The following CCDC149 variants were observed in gnomAD, a reference collection of about 807,000 sequenced individuals.
The protein encoded by CCDC149 is coiled-coil domain-containing protein 149.
CCDC149 carries 45 observed loss-of-function variants against 59.9 expected under a neutral mutation model. The observed-to-expected ratio is 0.75, with a 90% confidence interval of 0.59 to 0.96. The LOEUF (loss-of-function observed/expected upper bound fraction) is 0.96. CCDC149 is among the 40% of genes least tolerant of loss of function. CCDC149 has a pLI of 0.00. For missense variants in CCDC149, 584 were observed against 664.7 expected (o/e 0.88, Z 1.33); for synonymous variants, 245 against 260.6 (o/e 0.94, Z 0.58).
upstream of CCDC149, among the ~76,000 whole-genome samples, chr4:24,915,506 G>C (rs764037734): frequency 6.6e-6 from 1 of 152,188 alleles, no homozygotes; most frequent in Non-Finnish European, 1.5e-5. Context: ...AGAAATCTTC[G>C]CATTCCAGAC....
At chr4:24,886,207 T>C (rs1334299264) in intron 1 of CCDC149, among the ~76,000 whole-genome samples, 5 of 152,228 alleles carry the variant, frequency 3.3e-5, no homozygotes, top group Non-Finnish European at 7.3e-5. Context: ...ATACTGGCCC[T>C]TATAGACTTG....
At position 24,874,244 on chromosome 4, in the gene CCDC149, G is replaced by GTTTTTT. The variant is rs5856868; in HGVS notation, c.226-531_226-526dup. ...GAGAACTTCTAGTCCTATTAGATTT[G>GTTTTTT]TTTTTTTTTTTTTTTGTTTTGTTTT... On this transcript the variant is annotated intron_variant, in intron 2 of 12. Coordinates refer to ENST00000635206, the MANE Select transcript of CCDC149 (RefSeq NM_001330643.2). 4.9e-4 allele frequency among the ~76,000 whole-genome samples: 43 copies of GTTTTTT among 87,472 alleles called. 7 individuals are homozygous for GTTTTTT. The highest frequency in any genetic ancestry group is 6.0e-3 in the Middle Eastern group (1 of 168). The allele number at this position is 87,472 out of a possible 152,430, so 57.4% of individuals were successfully genotyped here.
intron 3 of CCDC149, among the ~76,000 whole-genome samples, 158 bp downstream of exon 3, chr4:24,873,523 C>T (rs1216095955): frequency 2.0e-5 from 3 of 152,166 alleles, no homozygotes; most frequent in Admixed American, 1.3e-4. Flanking sequence ...CACTCCACTC[C>T]GAATTTCTCT....
chr4:24,907,289 A>C (rs1721592411), intron 1 of CCDC149, among the ~76,000 whole-genome samples: 1 of 152,174 alleles, frequency 6.6e-6, no homozygotes, highest in Non-Finnish European at 1.5e-5. Context: ...GACGAGAAAA[A>C]TGAGGGTCAG....
intron 1 of CCDC149, among the ~76,000 whole-genome samples, chr4:24,897,565 G>C (rs1720912542): frequency 6.6e-6 from 1 of 152,166 alleles, no homozygotes; most frequent in Non-Finnish European, 1.5e-5. Context: ...AAATCCCAGA[G>C]AGAGGTTGCT....
chr4:24,936,946 C>CCTTTT (rs1271164381), intron 1 of CCDC149, among the ~76,000 whole-genome samples: 1 of 152,202 alleles, frequency 6.6e-6, no homozygotes, highest in African/African-American at 2.4e-5. Context: ...ATTACAGACT[C>CCTTTT]CTTTTTGGGC....
chr4:24,960,378 C>T (rs1430054164), intron 1 of CCDC149, among the ~76,000 whole-genome samples: 3 of 152,034 alleles, frequency 2.0e-5, no homozygotes, highest in Non-Finnish European at 4.4e-5. Flanking sequence ...ACAGAAAATA[C>T]TCAGTCCCAA....
intron 4 of CCDC149, among the ~76,000 whole-genome samples, chr4:24,847,663 A>G (rs753403573): frequency 1.3e-5 from 2 of 152,202 alleles, no homozygotes; most frequent in Non-Finnish European, 2.9e-5. Flanking sequence ...CACTTTACAG[A>G]TGAGGAAACT....
chr4:24,838,234 G>C lies in CCDC149; in HGVS notation c.411C>G (p.Asp137Glu). 6.2e-7 allele frequency: 1 copy of C among 1,614,104 alleles called. No individual in the cohort carries two copies. Among genetic ancestry groups the C allele is most frequent in the Non-Finnish European group, 8.5e-7 (1 of 1,180,024 alleles). Reference sequence around the variant, plus strand: ...CAAAGTGTCGCACGCCGATTGCTTCGTCTCCGAGCCTTTGTTTGGCAATCG... The same window carrying C: ...CAAAGTGTCGCACGCCGATTGCTTCCTCTCCGAGCCTTTGTTTGGCAATCG... The change falls in exon 5 of 13, where the codon GAC (aspartate) becomes GAG (glutamate). Residue 137 changes from aspartate (D) to glutamate (E), a missense_variant. Physicochemically the swap from Asp to Glu is conservative, Grantham distance 45 (BLOSUM62 2). Transcript: ENST00000635206.
At chr4:24,803,845 C>G (rs1433419345), downstream of CCDC149, among the ~76,000 whole-genome samples, 2 of 152,200 alleles carry the variant, frequency 1.3e-5, no homozygotes, top group African/African-American at 4.8e-5. The surrounding 1 kb of genome is among the most constrained non-coding windows in gnomAD (Gnocchi z 4.3). Flanking sequence ...TGTAAGGCAG[C>G]ATGTCCATAT....
At chr4:24,849,173 C>G (rs1044594303) in intron 4 of CCDC149, among the ~76,000 whole-genome samples, 2 of 152,162 alleles carry the variant, frequency 1.3e-5, no homozygotes, top group African/African-American at 2.4e-5. Flanking sequence ...CCAAGGGGAG[C>G]TGCCACTGTC....
At chr4:24,906,045 A>G (rs1390272605) in intron 1 of CCDC149, among the ~76,000 whole-genome samples, 1 of 152,210 alleles carries the variant, frequency 6.6e-6, no homozygotes, top group Non-Finnish European at 1.5e-5. Context: ...AGAAATCTGA[A>G]TTCTTAGATG....
intron 9 of CCDC149, among the ~76,000 whole-genome samples, chr4:24,825,568 TC>T (rs1715675287): frequency 6.6e-6 from 1 of 151,866 alleles, no homozygotes; most frequent in Non-Finnish European, 1.5e-5. Flanking sequence ...GGTCAGGAGA[TC>T]GAGACCATCC....
chr4:24,906,353 G>A (rs1721507007), intron 1 of CCDC149, among the ~76,000 whole-genome samples: 1 of 26,550 alleles, frequency 3.8e-5, no homozygotes, highest in Admixed American at 3.0e-4. Flanking sequence ...TAACTCAGGG[G>A]CAGCGGAACA....
chr4:24,838,432 A>G (rs904517938), intron 4 of CCDC149, among the ~76,000 whole-genome samples, 160 bp from the exon 5 acceptor site: 1 of 152,242 alleles, frequency 6.6e-6, no homozygotes, highest in Non-Finnish European at 1.5e-5. Flanking sequence ...ATTTTTTAAA[A>G]AATTAAAAAT....
At chr4:24,820,179 A>C (rs1715300575) in intron 11 of CCDC149, 4 of 503,690 alleles carry the variant, frequency 7.9e-6, no homozygotes, top group East Asian at 6.5e-5. Context: ...CACACACACA[A>C]AATCCTTATC....
chr4:24,914,264 G>A (rs1365286464), upstream of CCDC149, among the ~76,000 whole-genome samples: 1 of 151,638 alleles, frequency 6.6e-6, no homozygotes, highest in African/African-American at 2.4e-5. Flanking sequence ...ATGATAGACT[G>A]TTTGCAAAAT....
chr4:24,843,325 C>T (rs1328577761), intron 4 of CCDC149, among the ~76,000 whole-genome samples: 1 of 152,194 alleles, frequency 6.6e-6, no homozygotes, highest in Non-Finnish European at 1.5e-5. Context: ...CTGCAGATAG[C>T]ACACCTGGGG....
chr4:24,892,056 T>C (rs762941202), intron 1 of CCDC149, among the ~76,000 whole-genome samples: 5 of 152,106 alleles, frequency 3.3e-5, no homozygotes, highest in Non-Finnish European at 7.4e-5. Flanking sequence ...TCATAAATAG[T>C]AGCGTCAAAA....
Sources: gnomAD v4.1 joint callset for allele counts (sites outside exome capture counted in the v4.1 genomes callset) on GRCh38, gnomAD v4.1.1 for gene constraint, Gnocchi (gnomAD v3.1) non-coding constraint, MANE v1.5 for transcripts, NCBI Gene and HGNC (gene_info 2026-07-23, HGNC 2026-07-21) for gene names.